The following RIPK1 variants were observed in gnomAD, a reference collection of about 807,000 sequenced individuals.
RIPK1 encodes the protein receptor-interacting serine/threonine-protein kinase 1.
In RIPK1, 27 loss-of-function variants were observed where a neutral mutation model predicts 62.4. The ratio of observed to expected loss-of-function variants is 0.43; its 90% CI spans 0.32 to 0.60. The LOEUF (loss-of-function observed/expected upper bound fraction) is 0.60. Ranked by LOEUF, RIPK1 falls within the 20% of genes least tolerant of loss-of-function variation. The pLI, the probability that RIPK1 is intolerant of heterozygous loss-of-function variation, is 0.07. For missense variants in RIPK1, 735 were observed against 831.0 expected, an observed-to-expected ratio of 0.88 and a Z score of 1.42; for synonymous variants, 287 against 303.2, an observed-to-expected ratio of 0.95 and a Z score of 0.55.
intron 7 of RIPK1, among the ~76,000 whole-genome samples, chr6:3,099,273 G>T (rs901876112): frequency 6.6e-6 from 1 of 152,224 alleles, no homozygotes; most frequent in African/African-American, 2.4e-5. Context: ...GGCCGGGTGC[G>T]GTGGCTGACG....
At chr6:3,070,424 C>A (rs1382381882) in intron 1 of RIPK1, among the ~76,000 whole-genome samples, 1 of 152,090 alleles carries the variant, frequency 6.6e-6, no homozygotes, top group Admixed American at 6.6e-5. Flanking sequence ...CCATATATTT[C>A]AAAAATACAT....
chr6:3,072,050 T>C lies in RIPK1; in HGVS notation c.-61+3389T>C, dbSNP rs1219820806. Among the ~76,000 whole-genome samples the C allele has an allele frequency of 6.6e-6, 1 of 152,228 alleles. No individual in the cohort carries two copies. Among genetic ancestry groups the C allele is most frequent in the Non-Finnish European group, 1.5e-5 (1 of 68,032 alleles). ...TTGCAAACTGCTAGATATATTTCAG[T>C]GTTGATGGGCATAACTGATTCTCTC... On this transcript the variant is annotated intron_variant, in intron 1 of 10. Coordinates refer to ENST00000259808, the MANE Select transcript of RIPK1 (RefSeq NM_001354930.2). This position sits in a 1 kb window ranked among gnomAD's most constrained non-coding sequence, Gnocchi z 5.6.
At chr6:3,088,894 T>G (rs996204429) in intron 6 of RIPK1, 1 of 152,230 alleles carries the variant, frequency 6.6e-6, no homozygotes, top group African/African-American at 2.4e-5. Flanking sequence ...GAGATTTTTT[T>G]TTATCTGTGG....
At chr6:3,089,035 T>G (rs1230353940) in intron 6 of RIPK1, among the ~76,000 whole-genome samples, 1 of 152,236 alleles carries the variant, frequency 6.6e-6, no homozygotes, top group Non-Finnish European at 1.5e-5. Flanking sequence ...CCTCCTTCTC[T>G]TCTCCTTTCA....
At chr6:3,096,616 G>C (rs935526952) in intron 7 of RIPK1, among the ~76,000 whole-genome samples, 23 of 137,290 alleles carry the variant, frequency 1.7e-4, no homozygotes, top group Non-Finnish European at 3.5e-4. Flanking sequence ...CTGGAGTGCA[G>C]TGGCATGATC....
intron 7 of RIPK1, among the ~76,000 whole-genome samples, chr6:3,096,863 AT>A (rs1487340720): frequency 7.1e-6 from 1 of 140,540 alleles, no homozygotes; most frequent in Non-Finnish European, 1.6e-5. Context: ...CCAGCCAAGT[AT>A]TTTGTTTTGT....
intron 10 of RIPK1, among the ~76,000 whole-genome samples, chr6:3,112,191 A>G (rs575578492): frequency 1.3e-5 from 2 of 152,276 alleles, no homozygotes; most frequent in Admixed American, 6.5e-5. Context: ...CTTGAAGAGT[A>G]TAGTTACCTC....
chr6:3,084,066 C>A (rs1281968855), intron 5 of RIPK1, among the ~76,000 whole-genome samples: 2 of 152,168 alleles, frequency 1.3e-5, no homozygotes, highest in African/African-American at 2.4e-5. Context: ...TATCAGATCT[C>A]AAAACCTGTG....
intron 7 of RIPK1, among the ~76,000 whole-genome samples, chr6:3,103,448 C>A (rs920687614): frequency 2.0e-5 from 3 of 151,926 alleles, no homozygotes; most frequent in African/African-American, 7.3e-5. Context: ...ACTACAGGCA[C>A]ACACCATCAT....
intron 6 of RIPK1, among the ~76,000 whole-genome samples, chr6:3,086,386 C>G (rs1396560617): frequency 6.6e-6 from 1 of 152,206 alleles, no homozygotes; most frequent in East Asian, 1.9e-4. Flanking sequence ...CCCAGAGGGG[C>G]TGTGCCATTT....
At chr6:3,087,757 T>G (rs1381943531) in intron 6 of RIPK1, among the ~76,000 whole-genome samples, 1 of 149,606 alleles carries the variant, frequency 6.7e-6, no homozygotes, top group Non-Finnish European at 1.5e-5. Context: ...GCCAGGATGG[T>G]CTCCATCTCC....
rs1761307361 is a variant in RIPK1 at position 3,114,331 on chromosome 6, T to G, written c.*992T>G. 1 of 152,230 alleles carries G rather than the reference T, an allele frequency of 6.6e-6. No homozygotes were observed. The highest frequency in any genetic ancestry group is 6.5e-5 in the Admixed American group (1 of 15,282). 9.4% of individuals were successfully genotyped at this position (152,230 alleles called of 1,614,324 possible). The stretch of plus-strand genomic sequence containing the variant: ...CGGTTTACTCTGTGTACTGTGAAAG[T>G]ATTTTCATATTTTTTCTGTGTGCCA... On this transcript the variant is annotated 3_prime_UTR_variant, in exon 11 of 11. Coordinates refer to ENST00000259808, the MANE Select transcript of RIPK1 (RefSeq NM_001354930.2). The surrounding 1 kb of genome is among the most constrained non-coding windows in gnomAD (Gnocchi z 5.0).
At chr6:3,111,362 A>G (rs929199475) in intron 10 of RIPK1, among the ~76,000 whole-genome samples, 1 of 152,206 alleles carries the variant, frequency 6.6e-6, no homozygotes, top group African/African-American at 2.4e-5. Context: ...CCTCCACAGC[A>G]CTTCTGTAAT....
At chr6:3,081,903 A>T (rs890332480) in intron 4 of RIPK1, among the ~76,000 whole-genome samples, 33 of 118,292 alleles carry the variant, frequency 2.8e-4, no homozygotes, top group East Asian at 2.4e-3. Flanking sequence ...AAAAAAAAAA[A>T]AATCAGCAGT....
chr6:3,079,336 C>T (rs1014070305), intron 3 of RIPK1, among the ~76,000 whole-genome samples: 1 of 152,120 alleles, frequency 6.6e-6, no homozygotes, highest in Non-Finnish European at 1.5e-5. Flanking sequence ...CCTTGGCCTC[C>T]CGAAGTTCTG....
chr6:3,112,201 C>T (rs1408643339), intron 10 of RIPK1, among the ~76,000 whole-genome samples: 3 of 152,074 alleles, frequency 2.0e-5, no homozygotes, highest in Admixed American at 2.0e-4. Flanking sequence ...ATAGTTACCT[C>T]GTCGCTTGAA....
At chr6:3,077,983 C>G in intron 3 of RIPK1, 48 bp downstream of exon 3, 2 of 1,596,832 alleles carry the variant, frequency 1.3e-6, no homozygotes, top group Non-Finnish European at 1.7e-6. Context: ...TGGGCCCTGG[C>G]TGTCTGTTAT....
intron 1 of RIPK1, among the ~76,000 whole-genome samples, chr6:3,075,464 T>C (rs3757082): frequency 0.59 from 89,310 of 152,080 alleles, 27,078 homozygotes; most frequent in Non-Finnish European, 0.66. Context: ...TTTGCATTGT[T>C]CTTTTTATAT....
intron 10 of RIPK1, among the ~76,000 whole-genome samples, chr6:3,112,649 G>C (rs1761222596): frequency 6.6e-6 from 1 of 152,174 alleles, no homozygotes; most frequent in African/African-American, 2.4e-5. Flanking sequence ...TCCTGTCTCA[G>C]CCTCCTCAGT....
Sources: allele counts gnomAD v4.1 joint callset (sites outside exome capture counted in the v4.1 genomes callset), GRCh38; gene constraint gnomAD v4.1.1; non-coding constraint Gnocchi (gnomAD v3.1); transcripts MANE v1.5; gene names NCBI Gene and HGNC (gene_info 2026-07-23, HGNC 2026-07-21).